SLC38A4: variants seen among roughly 807,000 people sequenced by gnomAD.
The protein encoded by SLC38A4 is solute carrier family 38 member 4, also known as sodium-coupled neutral amino acid transporter 4.
SLC38A4 carries 20 observed loss-of-function variants against 63.1 expected under a neutral mutation model. The observed-to-expected ratio is 0.32, with a 90% CI of 0.22 to 0.46. The LOEUF is 0.46. SLC38A4 is among the 20% of genes least tolerant of loss of function. The probability of loss-of-function intolerance (pLI) is 1.00; values close to 1 mark genes in which losing one functional copy is unlikely to be tolerated. For synonymous variants in SLC38A4, 230 were observed against 225.5 expected (o/e 1.02, Z -0.18); for missense variants, 526 against 663.6 (o/e 0.79, Z 2.28).
chr12:46,831,479 C>G (rs941776775), intron 1 of SLC38A4, among the ~76,000 whole-genome samples: 1 of 152,266 alleles, frequency 6.6e-6, no homozygotes, highest in Non-Finnish European at 1.5e-5. Flanking sequence ...CATTTCTGCA[C>G]CGCCCTGCCC....
intron 1 of SLC38A4, among the ~76,000 whole-genome samples, chr12:46,806,706 G>A (rs1399815032): frequency 6.6e-6 from 1 of 151,976 alleles, no homozygotes; most frequent in African/African-American, 2.4e-5. Context: ...TAGAGAAAGA[G>A]AACGTATGGT....
chr12:46,768,068 GGGA>G (rs563934997), intron 16 of SLC38A4, among the ~76,000 whole-genome samples: 269 of 152,188 alleles, frequency 1.8e-3, no homozygotes, highest in Non-Finnish European at 3.5e-3. Flanking sequence ...ATGTGTCTGT[GGGA>G]AAGGCTACTA....
At chr12:46,820,071 T>C (rs1424322718) in intron 1 of SLC38A4, among the ~76,000 whole-genome samples, 1 of 151,848 alleles carries the variant, frequency 6.6e-6, no homozygotes, top group Non-Finnish European at 1.5e-5. Context: ...ATACTTAATG[T>C]ATACAACGAT....
At chr12:46,773,404 G>A (rs896633316) in intron 14 of SLC38A4, among the ~76,000 whole-genome samples, 3 of 152,058 alleles carry the variant, frequency 2.0e-5, no homozygotes, top group African/African-American at 7.2e-5. Flanking sequence ...AACATTGCAA[G>A]GGTGAGGACA....
intron 13 of SLC38A4, among the ~76,000 whole-genome samples, chr12:46,775,844 A>T (rs1303421066): frequency 1.3e-5 from 2 of 152,056 alleles, no homozygotes; most frequent in South Asian, 4.1e-4. Context: ...CCAAGCACAA[A>T]TAACAAGAAA....
chr12:46,815,547 G>A (rs761268541), intron 1 of SLC38A4, among the ~76,000 whole-genome samples: 41 of 151,680 alleles, frequency 2.7e-4, no homozygotes, highest in Non-Finnish European at 4.9e-4. Flanking sequence ...CTGGGATAGA[G>A]TAAGAGCTAA....
intron 1 of SLC38A4, among the ~76,000 whole-genome samples, chr12:46,805,858 A>G (rs1375340714): frequency 6.6e-6 from 1 of 152,006 alleles, no homozygotes; most frequent in East Asian, 1.9e-4. Flanking sequence ...TGCCACCATG[A>G]ATAGATATAT....
chr12:46,772,559 A>G (rs1275731665), intron 14 of SLC38A4, among the ~76,000 whole-genome samples: 1 of 152,074 alleles, frequency 6.6e-6, no homozygotes, highest in Non-Finnish European at 1.5e-5. Context: ...CCCACCCACT[A>G]CTAAGAGAGA....
At chr12:46,785,032 A>T (rs1460883268) in intron 6 of SLC38A4, 72 bp downstream of exon 6, 17 of 1,197,876 alleles carry the variant, frequency 1.4e-5, no homozygotes, top group Non-Finnish European at 2.1e-5. Context: ...TCCTAAGGTT[A>T]TGAAGCAACA....
intron 4 of SLC38A4, 55 bp downstream of exon 4, chr12:46,788,473 G>A: frequency 1.4e-6 from 2 of 1,380,350 alleles, no homozygotes; most frequent in Non-Finnish European, 2.1e-6. Flanking sequence ...CAGAGACCTA[G>A]GTAGATCAGA....
chr12:46,811,872 T>C lies in SLC38A4; in HGVS notation c.-304-8078A>G, dbSNP rs192021562. On this transcript the variant is annotated intron_variant, in intron 1 of 16. Coordinates refer to ENST00000266579, the MANE Select transcript of SLC38A4 (RefSeq NM_018018.5). ...ATTTTGCTTCAAATGATGTAAACTA[T>C]GTCAAAAAAAAAGCTAATTGCAAGT... 4.9e-3 allele frequency among the ~76,000 whole-genome samples: 701 copies of C among 143,946 alleles called. 2 individuals are homozygous for C. Among genetic ancestry groups the C allele is most frequent in the Non-Finnish European group, 8.2e-3 (551 of 67,320 alleles). 94.4% of individuals were successfully genotyped at this position (143,946 alleles called of 152,430 possible). A position where few individuals can be genotyped will look rare whatever the true frequency, so the allele number is the denominator to read the frequency against.
intron 1 of SLC38A4, among the ~76,000 whole-genome samples, chr12:46,811,686 G>T (rs932935697): frequency 6.6e-6 from 1 of 151,982 alleles, no homozygotes; most frequent in Non-Finnish European, 1.5e-5. Flanking sequence ...GATAATAAAG[G>T]TTACTGCAAA....
chr12:46,786,779 A>T (rs1429619359), intron 5 of SLC38A4, among the ~76,000 whole-genome samples: 5 of 152,194 alleles, frequency 3.3e-5, no homozygotes, highest in Admixed American at 6.6e-5. Flanking sequence ...GCACTAACAC[A>T]ATACAAATAT....
intron 1 of SLC38A4, among the ~76,000 whole-genome samples, chr12:46,817,720 T>G (rs1431527383): frequency 6.6e-6 from 1 of 151,842 alleles, no homozygotes; most frequent in Non-Finnish European, 1.5e-5. Flanking sequence ...GGTCTTACTC[T>G]TTTTCTCTTA....
At chr12:46,768,652 A>G (rs368081099) in intron 15 of SLC38A4, among the ~76,000 whole-genome samples, 14 of 152,246 alleles carry the variant, frequency 9.2e-5, no homozygotes, top group African/African-American at 2.6e-4. Flanking sequence ...AAGCAACAAA[A>G]GGCTGAATTT....
chr12:46,804,943 TTC>T (rs1367285307), intron 1 of SLC38A4, among the ~76,000 whole-genome samples: 1 of 152,010 alleles, frequency 6.6e-6, no homozygotes, highest in Non-Finnish European at 1.5e-5. Flanking sequence ...TAAGATTTCT[TTC>T]TGTTTGCAAA....
chr12:46,820,510 T>C (rs981110191), intron 1 of SLC38A4, among the ~76,000 whole-genome samples: 7 of 152,034 alleles, frequency 4.6e-5, no homozygotes, highest in Non-Finnish European at 7.4e-5. Context: ...CAGGATTTCT[T>C]TCTTTATCAA....
In SLC38A4 at chr12:46,790,213, T is replaced by G. The variant is rs557533492; in HGVS notation, c.120-1595A>C. Among the ~76,000 whole-genome samples the G allele has an allele frequency of 3.9e-5, 6 of 152,310 alleles. No individual in the cohort carries two copies. The East Asian group carries it at 1.2e-3, about 29-fold the overall frequency. On this transcript the variant is annotated intron_variant, in intron 3 of 16. Coordinates refer to ENST00000266579, the MANE Select transcript of SLC38A4 (RefSeq NM_018018.5). The stretch of plus-strand genomic sequence containing the variant: ...AGAGGAAAGAGGATGACAGGGTTAC[T>G]TTTTGAGAATAGAAAACAGTATGAG...
At chr12:46,802,049 T>C (rs1215882532) in intron 2 of SLC38A4, among the ~76,000 whole-genome samples, 1 of 152,052 alleles carries the variant, frequency 6.6e-6, no homozygotes, top group African/African-American at 2.4e-5. Flanking sequence ...CTTTTCCCAT[T>C]TCTGAAAAGA....
Sources: gnomAD v4.1 joint callset for allele counts (sites outside exome capture counted in the v4.1 genomes callset) on GRCh38, gnomAD v4.1.1 for gene constraint, MANE v1.5 for transcripts, NCBI Gene and HGNC (gene_info 2026-07-23, HGNC 2026-07-21) for gene names.